The following FUT8 variants were observed in gnomAD, a reference collection of about 807,000 sequenced individuals.
FUT8 encodes fucosyltransferase 8, also known as alpha-(1,6)-fucosyltransferase.
A neutral mutation model predicts 71.3 loss-of-function variants in FUT8; 29 were observed. The observed-to-expected ratio is 0.41, with a 90% CI of 0.30 to 0.55. The LOEUF (loss-of-function observed/expected upper bound fraction) is 0.55, where lower values mean the gene tolerates loss of function less well. Ranked by LOEUF, FUT8 falls within the 20% of genes least tolerant of loss-of-function variation. The probability of loss-of-function intolerance (pLI) is 0.34; values close to 1 mark genes in which losing one functional copy is unlikely to be tolerated. For synonymous variants in FUT8, 254 were observed against 239.3 expected (o/e 1.06, Z -0.57); for missense variants, 544 against 702.1 (o/e 0.77, Z 2.55).
chr14:65,376,348 C>A, the FUT8 span, among the ~76,000 whole-genome samples: 1 of 152,108 alleles, frequency 6.6e-6, no homozygotes, highest in Non-Finnish European at 1.5e-5. Context: ...CAAACAAAAT[C>A]AAGAAGAACA....
At position 65,517,488 on chromosome 14, in the gene FUT8, C is replaced by T. The variant is rs369394548; in HGVS notation, c.-227-43849C>T. On this transcript the variant is annotated intron_variant, in intron 2 of 10. Coordinates refer to ENST00000673929, the MANE Select transcript of FUT8 (RefSeq NM_001371533.1). ...TCTGAGCTCTGATGCAAACCAGCAT[C>T]GTTTCTTGCCAAAATTTTTGTTTGT... 9.2e-5 allele frequency among the ~76,000 whole-genome samples: 14 copies of T among 152,240 alleles called. 3 individuals carry two copies. The highest frequency in any genetic ancestry group is 3.4e-4 in the African/African-American group (14 of 41,542).
chr14:65,431,147 C>A (rs1377707735), intron 1 of FUT8, among the ~76,000 whole-genome samples: 1 of 150,260 alleles, frequency 6.7e-6, no homozygotes, highest in African/African-American at 2.4e-5. Context: ...AGGCATGCGC[C>A]ACTATACCCG....
chr14:65,410,850 T>C (rs756496506), upstream of FUT8: 3 of 152,138 alleles, frequency 2.0e-5, no homozygotes, highest in Non-Finnish European at 2.9e-5. Flanking sequence ...ACAGGCACGA[T>C]GTGGCACTGC....
At chr14:65,646,968 T>A (rs1272274719) in intron 6 of FUT8, among the ~76,000 whole-genome samples, 1 of 152,230 alleles carries the variant, frequency 6.6e-6, no homozygotes, top group Non-Finnish European at 1.5e-5. Flanking sequence ...ATTATGCAAA[T>A]TCATGTATCA....
intron 7 of FUT8, among the ~76,000 whole-genome samples, chr14:65,685,861 A>G (rs891871685): frequency 3.3e-5 from 5 of 152,236 alleles, no homozygotes; most frequent in African/African-American, 1.2e-4. Context: ...GAGGATGACC[A>G]GAGGTCACTT....
chr14:65,635,900 G>C (rs1028353503), intron 6 of FUT8, among the ~76,000 whole-genome samples: 1 of 151,962 alleles, frequency 6.6e-6, no homozygotes, highest in Non-Finnish European at 1.5e-5. Context: ...GACTAGTATC[G>C]AAAGGATTGG....
intron 5 of FUT8, among the ~76,000 whole-genome samples, chr14:65,618,047 A>G (rs183056533): frequency 0.04 from 4,393 of 109,800 alleles, 174 homozygotes; most frequent in East Asian, 0.18. Flanking sequence ...ATATATATAT[A>G]TATATATGTA....
At position 65,445,570 on chromosome 14, in the gene FUT8, A is replaced by G. The variant is rs79960439; in HGVS notation, c.-325-10051A>G. Among the ~76,000 whole-genome samples the G allele has an allele frequency of 5.7e-3, 872 of 152,308 alleles. 31 individuals are homozygous for G. The East Asian group carries it at 0.093, about 16-fold the overall frequency. On this transcript the variant is annotated intron_variant, in intron 1 of 10. Transcript: ENST00000673929. ...CATGTGTTGAAATTCATAGAACTGT[A>G]TACTCCTACTTCCTCCCAAAAGTCT...
intron 2 of FUT8, among the ~76,000 whole-genome samples, chr14:65,546,148 A>G (rs1005999629): frequency 6.6e-6 from 1 of 151,856 alleles, no homozygotes; most frequent in African/African-American, 2.4e-5. Flanking sequence ...ATACAGTTAG[A>G]TGATATTTCT....
At chr14:65,716,321 T>C (rs1412041669) in intron 7 of FUT8, among the ~76,000 whole-genome samples, 1 of 151,982 alleles carries the variant, frequency 6.6e-6, no homozygotes, top group Non-Finnish European at 1.5e-5. Context: ...TATATATTTA[T>C]AATTATTATA....
intron 6 of FUT8, among the ~76,000 whole-genome samples, chr14:65,657,069 C>T (rs1201359147): frequency 6.6e-6 from 1 of 152,154 alleles, no homozygotes; most frequent in African/African-American, 2.4e-5. Context: ...TGGGGAAACT[C>T]TCCAGGACAC....
rs537022355 is a variant in FUT8 at position 65,430,910 on chromosome 14, T to A, written c.-326+17696T>A. On this transcript the variant is annotated intron_variant, in intron 1 of 10. Coordinates refer to ENST00000673929, the MANE Select transcript of FUT8 (RefSeq NM_001371533.1). The stretch of plus-strand genomic sequence containing the variant: ...ATGAGATGAGCAATTAATGAGAAAA[T>A]GTGCTCTAAAATACTTGGTTGCATT... Among the ~76,000 whole-genome samples the A allele has an allele frequency of 3.5e-3, 528 of 152,060 alleles. 2 individuals carry two copies. Among genetic ancestry groups the A allele is most frequent in the African/African-American group, 0.012 (501 of 41,482 alleles).
intron 3 of FUT8, among the ~76,000 whole-genome samples, chr14:65,564,366 G>C (rs1191305166): frequency 6.6e-6 from 1 of 151,992 alleles, no homozygotes; most frequent in African/African-American, 2.4e-5. Context: ...CTAGATTCAA[G>C]TCAATAATCT....
At chr14:65,414,455 C>T (rs1463990846) in intron 1 of FUT8, among the ~76,000 whole-genome samples, 1 of 152,152 alleles carries the variant, frequency 6.6e-6, no homozygotes, top group Non-Finnish European at 1.5e-5. Flanking sequence ...GAGTTGTAGT[C>T]TCTGCTCTTT....
chr14:65,667,941 T>C (rs545056392), intron 6 of FUT8, among the ~76,000 whole-genome samples: 1 of 152,238 alleles, frequency 6.6e-6, no homozygotes, highest in African/African-American at 2.4e-5. Flanking sequence ...TTTCTAATCT[T>C]TGACAAAGCT....
intron 7 of FUT8, among the ~76,000 whole-genome samples, chr14:65,689,595 G>A (rs1335757666): frequency 6.6e-6 from 1 of 152,132 alleles, no homozygotes; most frequent in Non-Finnish European, 1.5e-5. Flanking sequence ...CTGGAGTGCA[G>A]TGGTGCAATC....
chr14:65,390,013 C>T, the FUT8 span, among the ~76,000 whole-genome samples: 6 of 151,052 alleles, frequency 4.0e-5, no homozygotes, highest in Admixed American at 3.3e-4. Flanking sequence ...TGTTGGTACA[C>T]GCTTGTAATC....
intron 2 of FUT8, among the ~76,000 whole-genome samples, chr14:65,519,339 G>A (rs940128546): frequency 3.9e-5 from 6 of 152,178 alleles, no homozygotes; most frequent in African/African-American, 1.2e-4. Context: ...ACAGAAAGAT[G>A]TTCTAATTTA....
chr14:65,531,104 G>C (rs759287652), intron 2 of FUT8, among the ~76,000 whole-genome samples: 1 of 151,268 alleles, frequency 6.6e-6, no homozygotes, highest in African/African-American at 2.4e-5. Context: ...GAAATTGTAA[G>C]CAGAATGCTA....
Sources: gnomAD v4.1 joint callset for allele counts (sites outside exome capture counted in the v4.1 genomes callset) on GRCh38, gnomAD v4.1.1 for gene constraint, MANE v1.5 for transcripts, NCBI Gene and HGNC (gene_info 2026-07-23, HGNC 2026-07-21) for gene names.